Variants in PCDHA13 observed in about 807,000 individuals in gnomAD.
The protein encoded by PCDHA13 is protocadherin alpha-13.
A neutral mutation model predicts 64.8 loss-of-function variants in PCDHA13; 54 were observed. That is an observed-to-expected ratio of 0.83 (90% CI 0.67 to 1.04). The LOEUF (loss-of-function observed/expected upper bound fraction) is 1.04, where lower values mean the gene tolerates loss of function less well. Ranked by LOEUF, PCDHA13 falls within the 50% of genes least tolerant of loss-of-function variation. The pLI is 0.00. For synonymous variants in PCDHA13, 587 were observed against 564.4 expected (o/e 1.04, Z -0.57); for missense variants, 1,248 against 1,254.3 (o/e 0.99, Z 0.08).
chr5:140,897,947 T>A (rs1276045551), intron 1 of PCDHA13, among the ~76,000 whole-genome samples: 1 of 152,168 alleles, frequency 6.6e-6, no homozygotes, highest in Non-Finnish European at 1.5e-5. Context: ...CAGTGATGAT[T>A]AGCATTTTTT....
chr5:140,907,648 G>T (rs2153502267), intron 1 of PCDHA13, among the ~76,000 whole-genome samples: 1 of 152,312 alleles, frequency 6.6e-6, no homozygotes, highest in East Asian at 1.9e-4. Flanking sequence ...TGGCAAATTG[G>T]GCACTCAGCA....
At chr5:140,992,914 C>T (rs1383362253) in intron 3 of PCDHA13, among the ~76,000 whole-genome samples, 1 of 152,220 alleles carries the variant, frequency 6.6e-6, no homozygotes, top group African/African-American at 2.4e-5. Context: ...CTTAGGCCCT[C>T]TCCATACTTA....
At chr5:140,913,759 G>A (rs782668286) in intron 1 of PCDHA13, among the ~76,000 whole-genome samples, 1 of 151,994 alleles carries the variant, frequency 6.6e-6, no homozygotes, top group African/African-American at 2.4e-5. Context: ...GTATCTCATA[G>A]GTTTTGGCAT....
intron 1 of PCDHA13, among the ~76,000 whole-genome samples, chr5:140,950,045 A>G (rs1293026782): frequency 1.3e-5 from 2 of 151,934 alleles, no homozygotes; most frequent in Non-Finnish European, 2.9e-5. Context: ...ACAACCATAT[A>G]AGACTATTTA....
intron 3 of PCDHA13, among the ~76,000 whole-genome samples, chr5:140,997,807 G>A (rs557351308): frequency 4.5e-4 from 68 of 152,118 alleles, no homozygotes; most frequent in African/African-American, 1.5e-3. Context: ...CCAATTTGCT[G>A]TTGGTATCTA....
At chr5:140,943,083 C>A (rs1444637785) in intron 1 of PCDHA13, among the ~76,000 whole-genome samples, 1 of 151,532 alleles carries the variant, frequency 6.6e-6, no homozygotes, top group African/African-American at 2.4e-5. Flanking sequence ...ATGGTGAAAT[C>A]CTGCCTCTAC....
At chr5:140,897,222 G>A (rs2065939417) in intron 1 of PCDHA13, among the ~76,000 whole-genome samples, 1 of 151,978 alleles carries the variant, frequency 6.6e-6, no homozygotes, top group Non-Finnish European at 1.5e-5. Context: ...TAGGGTACAT[G>A]TGCACAATGT....
intron 3 of PCDHA13, among the ~76,000 whole-genome samples, chr5:140,984,016 T>G (rs2153832874): frequency 6.6e-6 from 1 of 152,280 alleles, no homozygotes; most frequent in Non-Finnish European, 1.5e-5. Context: ...TATTGCCAGA[T>G]TGCAAGGGGA....
chr5:140,884,495 A>T lies in PCDHA13; in HGVS notation c.2227A>T (p.Ser743Cys). The T allele has an allele frequency of 6.2e-7, 1 of 1,614,034 alleles. No homozygotes were observed. Among genetic ancestry groups the T allele is most frequent in the Non-Finnish European group, 8.5e-7 (1 of 1,179,976 alleles). Residue 743 changes from serine to cysteine, a missense_variant, in exon 1 of 4, where the codon AGC (serine) becomes TGC (cysteine). By Grantham distance (112) the Ser-to-Cys change is moderately radical. Coordinates refer to ENST00000289272, the MANE Select transcript of PCDHA13 (RefSeq NM_018904.3). ...GGGCAAGCCCACTCTAGTGTGCTCC[A>T]GCGCGGCAGGGAGTTGGTCGTACTC... ...APGKPTLVCS[S>C]AAGSWSYSQQ...
intron 1 of PCDHA13, among the ~76,000 whole-genome samples, chr5:140,955,475 C>T (rs246017): frequency 0.56 from 85,566 of 151,816 alleles, 24,719 homozygotes; most frequent in African/African-American, 0.69. Context: ...TGCTTGGCAC[C>T]TCTCCTTCCT....
At chr5:140,914,930 T>C (rs1474677743) in intron 1 of PCDHA13, among the ~76,000 whole-genome samples, 1 of 150,038 alleles carries the variant, frequency 6.7e-6, no homozygotes, top group Non-Finnish European at 1.5e-5. Flanking sequence ...TTGTACTATG[T>C]TGTGAAAAGT....
At chr5:140,928,097 C>T (rs2084934742) in intron 1 of PCDHA13, 2 of 1,614,054 alleles carry the variant, frequency 1.2e-6, no homozygotes, top group African/African-American at 2.7e-5. Flanking sequence ...ATTGATGGGC[C>T]CCTGGACCGG....
At chr5:140,932,946 G>A (rs1554209125) in intron 1 of PCDHA13, among the ~76,000 whole-genome samples, 1 of 151,982 alleles carries the variant, frequency 6.6e-6, no homozygotes, top group East Asian at 1.9e-4. Flanking sequence ...TGGAATGAAG[G>A]TGGACTAAAT....
chr5:140,884,839 G>T, intron 1 of PCDHA13, 177 bp downstream of exon 1: 1 of 893,290 alleles, frequency 1.1e-6, no homozygotes, highest in Non-Finnish European at 1.6e-6. Context: ...TTATCCTTCA[G>T]AGTGAAATCT....
rs1554244455 is a variant in PCDHA13 at position 140,982,542 on chromosome 5, A to G, written c.2521A>G (p.Thr841Ala). The G allele has an allele frequency of 1.9e-6, 3 of 1,614,210 alleles. No homozygotes were observed. The highest frequency in any genetic ancestry group is 2.2e-5 in the East Asian group (1 of 44,888). Residue 841 changes from threonine (T) to alanine (A), a missense_variant, in exon 3 of 4, where the codon ACA becomes GCA. Transcript: ENST00000289272. ...GPGGPDQQWP[T>A]VSSATPEPEA... ...AGGAGGGCCTGATCAGCAGTGGCCA[A>G]CAGTATCCAGTGCAACACCAGGTAA...
chr5:140,906,646 G>GT (rs35557065), intron 1 of PCDHA13, among the ~76,000 whole-genome samples: 1 of 152,192 alleles, frequency 6.6e-6, no homozygotes, highest in Non-Finnish European at 1.5e-5. Context: ...GCAGGTAGTG[G>GT]TTTTTTCCTG....
intron 1 of PCDHA13, among the ~76,000 whole-genome samples, chr5:140,948,999 ATT>A (rs782571922): frequency 1.3e-5 from 2 of 151,708 alleles, no homozygotes; most frequent in Non-Finnish European, 3.0e-5. Flanking sequence ...CATTTTACTA[ATT>A]TTTATATGTG....
At chr5:140,983,641 C>T (rs1030470329) in intron 3 of PCDHA13, among the ~76,000 whole-genome samples, 4 of 152,164 alleles carry the variant, frequency 2.6e-5, no homozygotes, top group Admixed American at 1.3e-4. Flanking sequence ...CCCAAGTTCA[C>T]GTAGCTTGTA....
Position 140,883,091 on chromosome 5 carries a change from G to T in PCDHA13, c.823G>T (p.Gly275Ter). ...CACAGATCCTGATGATGGTACAAAT[G>T]GAGATATAGTTTACTCATTTAGAAG... Reference protein sequence around the residue: ...NATDPDDGTNGDIVYSFRRPV... With the variant: ...NATDPDDGTN The change falls in exon 1 of 4, where the codon GGA becomes TGA. Residue 275 changes from glycine (G) to a stop codon, truncating the protein, a stop_gained. Transcript: ENST00000289272. LOFTEE classifies it high-confidence loss of function. The T allele has an allele frequency of 6.2e-7, 1 of 1,614,112 alleles. No homozygotes were observed. The highest frequency in any genetic ancestry group is 8.5e-7 in the Non-Finnish European group (1 of 1,180,030).
Sources: allele counts gnomAD v4.1 joint callset (sites outside exome capture counted in the v4.1 genomes callset), GRCh38; gene constraint gnomAD v4.1.1; transcripts MANE v1.5; gene names NCBI Gene and HGNC (gene_info 2026-07-23, HGNC 2026-07-21).